Variants in FRMPD4 observed in about 807,000 individuals in gnomAD.
FRMPD4 encodes the protein FERM and PDZ domain-containing protein 4.
Under a neutral mutation model 94.1 loss-of-function variants are expected in FRMPD4, and 22 were observed. The observed-to-expected ratio is 0.23, with a 90% confidence interval of 0.17 to 0.33. The LOEUF is 0.33. FRMPD4 is among the 10% of genes least tolerant of loss of function. FRMPD4 has a pLI of 1.00. For synonymous variants in FRMPD4, 631 were observed against 548.6 expected (o/e 1.15, Z -2.10); for missense variants, 1,111 against 1,339.9 (o/e 0.83, Z 2.67).
intron 4 of FRMPD4, among the ~76,000 whole-genome samples, chrX:12,640,568 T>C (rs1602248341): frequency 9.0e-6 from 1 of 111,538 alleles, no homozygotes; most frequent in Non-Finnish European, 1.9e-5. Context: ...CTAATGTAGA[T>C]TGGCATTTCT....
intron 2 of FRMPD4, among the ~76,000 whole-genome samples, chrX:12,571,541 T>C (rs1391814961): frequency 8.9e-6 from 1 of 112,638 alleles, no homozygotes; most frequent in African/African-American, 3.2e-5. Context: ...ACAGTAATTC[T>C]GTCCCATAAT....
chrX:12,275,249 C>G (rs950420127), intron 1 of FRMPD4, among the ~76,000 whole-genome samples: 1 of 110,156 alleles, frequency 9.1e-6, no homozygotes, highest in Non-Finnish European at 1.9e-5. Context: ...GCCCCTCCCC[C>G]TCTCTTTTCC....
At chrX:12,105,634 G>T (rs1392215911) in intron 3 of FRMPD4, among the ~76,000 whole-genome samples, 1 of 112,337 alleles carries the variant, frequency 8.9e-6, no homozygotes, top group Non-Finnish European at 1.9e-5. Context: ...AACAATACAG[G>T]CTCAAATGAA....
intron 2 of FRMPD4, among the ~76,000 whole-genome samples, chrX:12,504,942 T>C (rs181191824): frequency 8.9e-6 from 1 of 112,240 alleles, no homozygotes; most frequent in East Asian, 2.8e-4. Context: ...TATCTAAAGT[T>C]CCTTGGGCCA....
chrX:12,327,300 C>T (rs1268912404), intron 1 of FRMPD4, among the ~76,000 whole-genome samples: 1 of 112,469 alleles, frequency 8.9e-6, no homozygotes, highest in East Asian at 2.8e-4. Flanking sequence ...AAATCTTTCA[C>T]ATTAGAATTT....
chrX:12,273,942 G>A (rs112150222), intron 1 of FRMPD4, among the ~76,000 whole-genome samples: 1,666 of 111,766 alleles, frequency 0.015, 29 homozygotes, highest in African/African-American at 0.051. Context: ...CGTGATTTTT[G>A]TAAAAGTACC....
At chrX:12,686,023 A>G (rs1169770133) in intron 6 of FRMPD4, 74 bp from the exon 7 acceptor site, 2 of 506,994 alleles carry the variant, frequency 3.9e-6, no homozygotes, top group African/African-American at 2.4e-5. Flanking sequence ...AATAAAGTAT[A>G]GATGTGCTGC....
At chrX:12,483,185 G>A (rs746199583) in intron 1 of FRMPD4, among the ~76,000 whole-genome samples, 6 of 112,193 alleles carry the variant, frequency 5.3e-5, no homozygotes, top group Admixed American at 9.4e-5. Context: ...CATGAGTTCA[G>A]TTTTGGATGT....
At chrX:11,882,508 C>A (rs890910868) in intron 3 of FRMPD4, among the ~76,000 whole-genome samples, 1 of 111,418 alleles carries the variant, frequency 9.0e-6, no homozygotes, top group Non-Finnish European at 1.9e-5. Context: ...ACCAACATGA[C>A]GCTACAAGTG....
At chrX:11,825,249 T>C (rs1222710025) in intron 1 of FRMPD4, among the ~76,000 whole-genome samples, 1 of 100,925 alleles carries the variant, frequency 9.9e-6, no homozygotes, top group Non-Finnish European at 2.0e-5. Flanking sequence ...GTCTCTTCAC[T>C]CATCTCGTGC....
At chrX:12,701,770 A>G in intron 9 of FRMPD4, 104 bp from the exon 10 acceptor site, 2 of 854,357 alleles carry the variant, frequency 2.3e-6, no homozygotes, top group Non-Finnish European at 3.4e-6. Flanking sequence ...TTGCCTGGGA[A>G]GTGAAGGTTG....
intron 3 of FRMPD4, among the ~76,000 whole-genome samples, chrX:12,000,500 G>A (rs779642575): frequency 2.7e-5 from 3 of 111,996 alleles, no homozygotes; most frequent in South Asian, 3.7e-4. Context: ...ATAATAGTTC[G>A]AAGATAGATG....
intron 3 of FRMPD4, among the ~76,000 whole-genome samples, chrX:11,969,599 G>A (rs1292063194): frequency 8.9e-6 from 1 of 112,052 alleles, no homozygotes; most frequent in Non-Finnish European, 1.9e-5. Context: ...ATAAATTGCA[G>A]TGATCATCAG....
intron 3 of FRMPD4, among the ~76,000 whole-genome samples, chrX:11,964,110 C>T (rs2054297529): frequency 9.0e-6 from 1 of 111,140 alleles, no homozygotes; most frequent in Non-Finnish European, 1.9e-5. Context: ...TTCAGAACTA[C>T]TTGAATCAGA....
intron 2 of FRMPD4, among the ~76,000 whole-genome samples, chrX:12,564,207 C>T (rs1380994794): frequency 8.9e-6 from 1 of 112,316 alleles, no homozygotes; most frequent in Non-Finnish European, 1.9e-5. Context: ...GGCTCCACCT[C>T]CAAATTCTAT....
chrX:12,093,950 A>G (rs2055177078), intron 3 of FRMPD4, among the ~76,000 whole-genome samples: 1 of 111,825 alleles, frequency 8.9e-6, no homozygotes, highest in Non-Finnish European at 1.9e-5. Flanking sequence ...AAAAGGCAAC[A>G]CAGCAGCTAA....
At chrX:12,223,340 T>G (rs1245909201) in intron 1 of FRMPD4, among the ~76,000 whole-genome samples, 8 of 112,000 alleles carry the variant, frequency 7.1e-5, no homozygotes, top group Non-Finnish European at 1.5e-4. Flanking sequence ...CTAAGCAAAT[T>G]AATGCAGGAA....
In FRMPD4 at chrX:12,182,467, T is replaced by C. The variant is rs186771209; in HGVS notation, c.41+43455T>C. ...CATTTACTGCCCTGCCTGGAAATTA[T>C]TTTAATGCACTGAGGAATGTTGCCT... On this transcript the variant is annotated intron_variant, in intron 1 of 16. Coordinates refer to ENST00000675598, the MANE Select transcript of FRMPD4 (RefSeq NM_001368397.1). Among the ~76,000 whole-genome samples, 4 of 111,253 alleles carry C rather than the reference T, an allele frequency of 3.6e-5. No individual in the cohort carries two copies. The East Asian group carries it at 1.1e-3, about 32-fold the overall frequency.
chrX:12,014,150 G>T (rs767899598), intron 3 of FRMPD4, among the ~76,000 whole-genome samples: 3 of 111,482 alleles, frequency 2.7e-5, no homozygotes, highest in African/African-American at 9.8e-5. Flanking sequence ...GCCAGCCCCA[G>T]ATTTGACAGC....
Sources: allele counts gnomAD v4.1 joint callset (sites outside exome capture counted in the v4.1 genomes callset), GRCh38; gene constraint gnomAD v4.1.1; transcripts MANE v1.5; gene names NCBI Gene and HGNC (gene_info 2026-07-23, HGNC 2026-07-21).